Variants in ATP2A2 observed in about 807,000 individuals in gnomAD.
The protein encoded by ATP2A2 is ATPase sarcoplasmic/endoplasmic reticulum Ca2+ transporting 2, also known as sarcoplasmic/endoplasmic reticulum calcium ATPase 2.
In ATP2A2, 14 loss-of-function variants were observed where a neutral mutation model predicts 109.3. That is an observed-to-expected ratio of 0.13 (90% CI 0.08 to 0.20). The LOEUF is 0.20. ATP2A2 is among the 10% of genes least tolerant of loss of function. ATP2A2 has a pLI of 1.00. For missense variants in ATP2A2, 657 were observed against 1,321.6 expected (o/e 0.50, Z 7.80); for synonymous variants, 506 against 490.9 (o/e 1.03, Z -0.41).
intron 11 of ATP2A2, 105 bp downstream of exon 11, chr12:110,334,248 T>C (rs1878618654): frequency 7.2e-7 from 1 of 1,383,186 alleles, no homozygotes; most frequent in Non-Finnish European, 1.0e-6. Flanking sequence ...TTATACCTTA[T>C]CTCCTCAAAC....
In ATP2A2 at chr12:110,340,703, G is replaced by A. The variant is rs1592860918; in HGVS notation, c.1806G>A (p.Pro602=). ...FVGCVGMLDP[P]RIEVASSVKL... Reference sequence around the variant, plus strand: ...GCTGCGTGGGCATGCTGGATCCTCCGAGAATCGAGGTGGCCTCCTCCGTGA... The same window carrying A: ...GCTGCGTGGGCATGCTGGATCCTCCAAGAATCGAGGTGGCCTCCTCCGTGA... The change falls in exon 14 of 20, where the codon CCG becomes CCA. Residue 602 remains proline, a synonymous_variant. Transcript: ENST00000539276. The surrounding 1 kb of genome is among the most constrained non-coding windows in gnomAD (Gnocchi z 6.0). 1.9e-6 allele frequency: 3 copies of A among 1,614,114 alleles called. No individual in the cohort carries two copies. The highest frequency in any genetic ancestry group is 1.1e-5 in the South Asian group (1 of 91,070).
rs557140009 is a variant in ATP2A2, at chr12:110,339,974, G to C, written c.1761+253G>C. Among the ~76,000 whole-genome samples the C allele has an allele frequency of 1.3e-5, 2 of 152,258 alleles. No homozygotes were observed. The highest frequency in any genetic ancestry group is 4.8e-5 in the African/African-American group (2 of 41,546). On this transcript the variant is annotated intron_variant, in intron 13 of 19. Transcript: ENST00000539276. The surrounding 1 kb of genome is among the most constrained non-coding windows in gnomAD (Gnocchi z 4.4). ...GAATAATCAAGATGAGCTTAAGCTT[G>C]TAAACCCCATTTTGCCTCTCATCTA... is the stretch of plus-strand genomic sequence containing the variant.
rs1479314974 is a variant in ATP2A2 at position 110,345,742 on chromosome 12, A to C, written c.2742-259A>C. ...AAAATGGAAATTTCTAAATAGCCCA[A>C]GTCTCCAGGGCAATTGGGAACAGCT... On this transcript the variant is annotated intron_variant, in intron 18 of 19. Transcript: ENST00000539276. 1.5e-5 allele frequency: 9 copies of C among 588,616 alleles called. No individual in the cohort carries two copies. The Admixed American group carries it at 2.0e-4, about 13-fold the overall frequency. The allele number at this position is 588,616 out of a possible 1,614,324, so 36.5% of individuals were successfully genotyped here.
At chr12:110,326,275 C>T in intron 6 of ATP2A2, 115 bp from the exon 7 acceptor site, 1 of 1,015,756 alleles carries the variant, frequency 9.8e-7, no homozygotes, top group Non-Finnish European at 1.5e-6. Context: ...TTTTGCCAAC[C>T]TTTTCTCACA....
At chr12:110,341,060 A>G (rs1194147294) in intron 14 of ATP2A2, 66 bp downstream of exon 14, 4 of 1,561,520 alleles carry the variant, frequency 2.6e-6, no homozygotes, top group South Asian at 2.3e-5. Flanking sequence ...TCTAATTTTG[A>G]CCACTGAATT....
intron 19 of ATP2A2, 37 bp downstream of exon 19, chr12:110,346,155 C>T: frequency 6.2e-7 from 1 of 1,614,216 alleles, no homozygotes; most frequent in Non-Finnish European, 8.5e-7. Context: ...CAGCCACCTC[C>T]TTCCAGGGGA....
Position 110,349,827 on chromosome 12 carries a change from T to A in ATP2A2, c.*3357T>A. The A allele has an allele frequency of 3.8e-6, 4 of 1,043,858 alleles. No individual in the cohort carries two copies. Among genetic ancestry groups the A allele is most frequent in the Non-Finnish European group, 4.6e-6 (4 of 864,972 alleles). 64.7% of individuals were successfully genotyped at this position (1,043,858 alleles called of 1,614,324 possible). A position where few individuals can be genotyped will look rare whatever the true frequency, so the allele number is the denominator to read the frequency against. On this transcript the variant is annotated 3_prime_UTR_variant, in exon 20 of 20. Transcript: ENST00000539276. ...CTTCACCCTCCTTTACTGAGGAGAA[T>A]GATGCGGAGGAGTTTCCTCTCCAGG...
intron 5 of ATP2A2, among the ~76,000 whole-genome samples, chr12:110,313,652 C>T (rs1876345446): frequency 2.0e-5 from 3 of 151,356 alleles, no homozygotes; most frequent in Admixed American, 2.0e-4. Flanking sequence ...CACCAAACCA[C>T]CTAGATGGGC....
chr12:110,301,240 G>C (rs972876568), intron 5 of ATP2A2, among the ~76,000 whole-genome samples: 1 of 152,126 alleles, frequency 6.6e-6, no homozygotes, highest in African/African-American at 2.4e-5. Context: ...TTTATCCTTA[G>C]TTTGCATCAG....
chr12:110,350,922 G>A lies in ATP2A2; in HGVS notation c.*4452G>A, dbSNP rs1449224212. 3 of 153,976 alleles carry A rather than the reference G, an allele frequency of 1.9e-5. No individual in the cohort carries two copies. The East Asian group carries it at 5.8e-4, about 30-fold the overall frequency. 9.5% of individuals were successfully genotyped at this position (153,976 alleles called of 1,614,324 possible). A position where few individuals can be genotyped will look rare whatever the true frequency, so the allele number is the denominator to read the frequency against. ...TCAGAAGCAGTAGACAGATGTTGGT[G>A]CAATACAAATATTGTGATGCATTTA... On this transcript the variant is annotated 3_prime_UTR_variant, in exon 20 of 20. Coordinates refer to ENST00000539276, the MANE Select transcript of ATP2A2 (RefSeq NM_170665.4).
At chr12:110,324,606 G>GA (rs1253285164) in intron 6 of ATP2A2, among the ~76,000 whole-genome samples, 1 of 152,014 alleles carries the variant, frequency 6.6e-6, no homozygotes, top group Non-Finnish European at 1.5e-5. Context: ...ATTTTTAGTA[G>GA]AGACGGGGTT....
chr12:110,349,211 C>T lies in ATP2A2; in HGVS notation c.*2741C>T, dbSNP rs1437593238. ...ACACTTCAGCATCTCCTCCTCAGGT[C>T]AACCCATAAAGACCAGGTCCAGCAC... On this transcript the variant is annotated 3_prime_UTR_variant, in exon 20 of 20. Transcript: ENST00000539276. The T allele has an allele frequency of 6.1e-6, 6 of 985,470 alleles. No homozygotes were observed. The highest frequency in any genetic ancestry group is 7.2e-6 in the Non-Finnish European group (6 of 830,042). 61.0% of individuals were successfully genotyped at this position (985,470 alleles called of 1,614,324 possible).
chr12:110,327,739 A>G lies in ATP2A2; in HGVS notation c.817A>G (p.Ile273Val). 6.2e-7 allele frequency: 1 copy of G among 1,614,154 alleles called. No homozygotes were observed. The highest frequency in any genetic ancestry group is 1.1e-5 in the South Asian group (1 of 91,084). The stretch of plus-strand genomic sequence containing the variant: ...CTCCCTTATTTGCATTGCAGTCTGG[A>G]TCATAAATATTGGGCACTTCAATGA... Reference protein sequence around the residue: ...VISLICIAVWIINIGHFNDPV... With the variant: ...VISLICIAVWVINIGHFNDPV... The change falls in exon 8 of 20, where the codon ATC becomes GTC. Residue 273 changes from isoleucine (I) to valine (V), a missense_variant. Coordinates refer to ENST00000539276, the MANE Select transcript of ATP2A2 (RefSeq NM_170665.4). The surrounding 1 kb of genome is among the most constrained non-coding windows in gnomAD (Gnocchi z 4.4).
intron 5 of ATP2A2, among the ~76,000 whole-genome samples, chr12:110,303,600 C>T (rs1566211352): frequency 6.6e-6 from 1 of 151,988 alleles, no homozygotes; most frequent in African/African-American, 2.4e-5. Flanking sequence ...TTAGTAGAGA[C>T]GGGGTTTCAC....
intron 4 of ATP2A2, 57 bp from the exon 5 acceptor site, chr12:110,296,542 A>G: frequency 2.5e-6 from 4 of 1,606,458 alleles, no homozygotes; most frequent in Non-Finnish European, 3.4e-6. Context: ...TCCTTGGGTT[A>G]GAAATAATTG....
Position 110,347,422 on chromosome 12 carries a change from G to C in ATP2A2, c.*952G>C. The C allele has an allele frequency of 7.8e-7, 1 of 1,289,062 alleles. No individual in the cohort carries two copies. The allele number at this position is 1,289,062 out of a possible 1,614,324, so 79.9% of individuals were successfully genotyped here. On this transcript the variant is annotated 3_prime_UTR_variant, in exon 20 of 20. Coordinates refer to ENST00000539276, the MANE Select transcript of ATP2A2 (RefSeq NM_170665.4). ...TAGCTCAGAACTTTAGTTGTACTCT[G>C]CTTGAGGGGAAGAAGGCTCCTGCTC...
At chr12:110,295,614 GT>G (rs1388564121) in intron 4 of ATP2A2, among the ~76,000 whole-genome samples, 1 of 152,112 alleles carries the variant, frequency 6.6e-6, no homozygotes, top group Non-Finnish European at 1.5e-5. Flanking sequence ...CCCAATTAAG[GT>G]TTTTTTATAC....
chr12:110,294,134 C>T (rs1873700169), intron 4 of ATP2A2, among the ~76,000 whole-genome samples: 2 of 151,856 alleles, frequency 1.3e-5, no homozygotes, highest in Admixed American at 6.6e-5. Flanking sequence ...AGCTCCGCCT[C>T]CCGGGCTCAC....
rs144686774 is a variant in ATP2A2, at chr12:110,306,693, C to A, written c.463+9956C>A. 2.1e-3 allele frequency among the ~76,000 whole-genome samples: 321 copies of A among 152,276 alleles called. 2 individuals are homozygous for A. The highest frequency in any genetic ancestry group is 6.8e-3 in the Middle Eastern group (2 of 294). On this transcript the variant is annotated intron_variant, in intron 5 of 19. Coordinates refer to ENST00000539276, the MANE Select transcript of ATP2A2 (RefSeq NM_170665.4). ...TTGCTGGAAAAGACATGATTTCATT[C>A]TTTTGCATGGCTGCGTAGTATCACA...
Sources: allele counts gnomAD v4.1 joint callset (sites outside exome capture counted in the v4.1 genomes callset), GRCh38; gene constraint gnomAD v4.1.1; non-coding constraint Gnocchi (gnomAD v3.1); transcripts MANE v1.5; gene names NCBI Gene and HGNC (gene_info 2026-07-23, HGNC 2026-07-21).